Variants in MGST1 observed in about 807,000 individuals in gnomAD.
The protein encoded by MGST1 is microsomal glutathione S-transferase 1, also known as glutathione S-transferase 12.
MGST1 carries 5 observed loss-of-function variants against 8.9 expected under a neutral mutation model. The ratio of observed to expected loss-of-function variants is 0.56; its 90% CI spans 0.29 to 1.19. The LOEUF is 1.19. Ranked by LOEUF, MGST1 falls within the 50% of genes most tolerant of loss-of-function variation. The pLI is 0.08. For missense variants in MGST1, 182 were observed against 187.4 expected, an observed-to-expected ratio of 0.97 and a Z score of 0.17; for synonymous variants, 54 against 67.8, an observed-to-expected ratio of 0.80 and a Z score of 1.00.
At chr12:16,350,042 C>T (rs1330651309) in intron 1 of MGST1, among the ~76,000 whole-genome samples, 7 of 152,192 alleles carry the variant, frequency 4.6e-5, no homozygotes, top group South Asian at 2.1e-4. Flanking sequence ...CCGCGCTCGG[C>T]CCCCGCTTTT....
intron 4 of MGST1, among the ~76,000 whole-genome samples, chr12:16,571,116 CAACCT>C (rs1362093137): frequency 6.6e-6 from 1 of 152,030 alleles, no homozygotes; most frequent in Admixed American, 6.6e-5. Context: ...GTTGAAGAAA[CAACCT>C]AACTACTAAT....
At chr12:16,491,759 C>CT (rs1357804853) in intron 4 of MGST1, among the ~76,000 whole-genome samples, 1 of 151,912 alleles carries the variant, frequency 6.6e-6, no homozygotes, top group Admixed American at 6.6e-5. Flanking sequence ...GAATGTTTCT[C>CT]TTTTTTTTCT....
intron 4 of MGST1, among the ~76,000 whole-genome samples, chr12:16,448,996 T>A (rs1941106499): frequency 6.6e-6 from 1 of 151,958 alleles, no homozygotes; most frequent in African/African-American, 2.4e-5. Flanking sequence ...ATAAAAATGT[T>A]GGTAATTTTA....
intron 4 of MGST1, among the ~76,000 whole-genome samples, chr12:16,575,831 A>G (rs1196023586): frequency 6.6e-6 from 1 of 151,738 alleles, no homozygotes; most frequent in East Asian, 1.9e-4. Context: ...TTCACTTTCT[A>G]CTCACCAGGG....
At chr12:16,445,140 A>G (rs916497615) in intron 4 of MGST1, among the ~76,000 whole-genome samples, 2 of 151,648 alleles carry the variant, frequency 1.3e-5, no homozygotes, top group Non-Finnish European at 2.9e-5. Context: ...TCTAGGCCCC[A>G]TCCGAGATCA....
chr12:16,372,544 G>A (rs1296023614), intron 3 of MGST1, among the ~76,000 whole-genome samples: 1 of 152,070 alleles, frequency 6.6e-6, no homozygotes, highest in Admixed American at 6.6e-5. Context: ...TAGTGAGAAT[G>A]TGGCAAGAGG....
At chr12:16,348,744 G>A (rs979122693) in intron 1 of MGST1, 27 of 143,628 alleles carry the variant, frequency 1.9e-4, no homozygotes, top group African/African-American at 6.5e-4. Flanking sequence ...ACTGGACTTT[G>A]TTGTCCTCTG....
At chr12:16,354,566 A>T in intron 2 of MGST1, 188 bp downstream of exon 2, 1 of 442,942 alleles carries the variant, frequency 2.3e-6, no homozygotes, top group Non-Finnish European at 3.9e-6. Context: ...TTCTCCTAGA[A>T]ACTAGTAAAT....
At chr12:16,533,671 A>T (rs1034362648) in intron 4 of MGST1, among the ~76,000 whole-genome samples, 7 of 151,830 alleles carry the variant, frequency 4.6e-5, no homozygotes, top group Non-Finnish European at 8.8e-5. Flanking sequence ...TGTGCCAGAT[A>T]TTGTTATAGA....
At chr12:16,521,754 G>T (rs562638764) in intron 4 of MGST1, among the ~76,000 whole-genome samples, 57 of 152,212 alleles carry the variant, frequency 3.7e-4, no homozygotes, top group African/African-American at 1.3e-3. Context: ...GAGACAAGAA[G>T]AATTTATGAG....
chr12:16,507,141 A>T (rs1349187891), intron 4 of MGST1, among the ~76,000 whole-genome samples: 2 of 152,228 alleles, frequency 1.3e-5, no homozygotes, highest in Non-Finnish European at 2.9e-5. Flanking sequence ...ATGAAGATGT[A>T]TTCCCTAGAT....
chr12:16,432,303 G>A (rs1037702878), intron 1 of MGST1, among the ~76,000 whole-genome samples: 6 of 152,076 alleles, frequency 3.9e-5, no homozygotes, highest in Admixed American at 6.6e-5. Context: ...AACTTATCAC[G>A]TAGTGGATTC....
At chr12:16,516,924 A>G (rs1941618705) in intron 4 of MGST1, among the ~76,000 whole-genome samples, 1 of 152,232 alleles carries the variant, frequency 6.6e-6, no homozygotes, top group African/African-American at 2.4e-5. Context: ...TTAACTTACA[A>G]TTAGCGAGTG....
At chr12:16,372,594 C>T (rs1940312161) in intron 3 of MGST1, among the ~76,000 whole-genome samples, 1 of 152,032 alleles carries the variant, frequency 6.6e-6, no homozygotes, top group African/African-American at 2.4e-5. Flanking sequence ...TAAATTAGTG[C>T]AGCCACTTGT....
At chr12:16,515,433 C>A (rs1296776027) in intron 4 of MGST1, among the ~76,000 whole-genome samples, 2 of 151,964 alleles carry the variant, frequency 1.3e-5, no homozygotes, top group Non-Finnish European at 2.9e-5. Context: ...GGACAGAAGT[C>A]TGAGACCAGC....
intron 4 of MGST1, among the ~76,000 whole-genome samples, chr12:16,521,661 G>A (rs1941649059): frequency 6.6e-6 from 1 of 152,012 alleles, no homozygotes; most frequent in African/African-American, 2.4e-5. Context: ...TCACTTCATT[G>A]CAATATAACA....
chr12:16,470,491 A>G (rs1941284052), intron 4 of MGST1, among the ~76,000 whole-genome samples: 1 of 152,222 alleles, frequency 6.6e-6, no homozygotes, highest in East Asian at 1.9e-4. Flanking sequence ...CTGGATAAAC[A>G]GGAGCTACCC....
At chr12:16,471,463 G>C (rs948698553) in intron 4 of MGST1, among the ~76,000 whole-genome samples, 1 of 152,132 alleles carries the variant, frequency 6.6e-6, no homozygotes, top group Non-Finnish European at 1.5e-5. Flanking sequence ...ACTGAATTAT[G>C]CTTAATGATC....
At chr12:16,564,687 G>A (rs1942528333) in intron 4 of MGST1, among the ~76,000 whole-genome samples, 1 of 152,154 alleles carries the variant, frequency 6.6e-6, no homozygotes, top group Non-Finnish European at 1.5e-5. Context: ...TTTAATATTT[G>A]AGGAAAATGC....
Sources: gnomAD v4.1 joint callset for allele counts (sites outside exome capture counted in the v4.1 genomes callset) on GRCh38, gnomAD v4.1.1 for gene constraint, MANE v1.5 for transcripts, NCBI Gene and HGNC (gene_info 2026-07-23, HGNC 2026-07-21) for gene names.